The following SLC13A4 variants were observed in gnomAD, a reference collection of about 807,000 sequenced individuals.
SLC13A4 encodes the protein Na(+)/sulfate cotransporter SUT-1.
In SLC13A4, 28 loss-of-function variants were observed where a neutral mutation model predicts 72.7. The observed-to-expected ratio is 0.39, with a 90% CI of 0.29 to 0.53. The LOEUF (loss-of-function observed/expected upper bound fraction) is 0.53, where lower values mean the gene tolerates loss of function less well. Ranked by LOEUF, SLC13A4 falls within the 20% of genes least tolerant of loss-of-function variation. The pLI, the probability that SLC13A4 is intolerant of heterozygous loss-of-function variation, is 0.78. For missense variants in SLC13A4, 653 were observed against 788.0 expected (o/e 0.83, Z 2.05); for synonymous variants, 312 against 325.5 (o/e 0.96, Z 0.45).
chr7:135,715,615 G>C (rs1286980689), intron 2 of SLC13A4, among the ~76,000 whole-genome samples: 3 of 152,148 alleles, frequency 2.0e-5, no homozygotes, highest in Non-Finnish European at 4.4e-5. Context: ...GGGCCTCCTG[G>C]AGAGCTGTTT....
intron 1 of SLC13A4, among the ~76,000 whole-genome samples, chr7:135,725,054 A>G (rs1306068414): frequency 6.6e-6 from 1 of 152,156 alleles, no homozygotes; most frequent in Non-Finnish European, 1.5e-5. Context: ...AGGCTCTTTA[A>G]CAACACCACT....
intron 2 of SLC13A4, among the ~76,000 whole-genome samples, chr7:135,715,422 TGTGTGAGC>T (rs1796409671): frequency 1.3e-5 from 2 of 151,254 alleles, no homozygotes; most frequent in African/African-American, 4.9e-5. Context: ...TGTGTATGAG[TGTGTGAGC>T]GTGTGTATGA....
chr7:135,701,994 G>T (rs755586715), intron 6 of SLC13A4: 2 of 429,558 alleles, frequency 4.7e-6, no homozygotes, highest in Non-Finnish European at 8.1e-6. Flanking sequence ...ACATGGCTCT[G>T]CCCTTAGAGG....
Position 135,705,524 on chromosome 7 carries a change from T to C in SLC13A4, c.593+72A>G. 5 of 1,429,342 alleles carry C rather than the reference T, an allele frequency of 3.5e-6. No homozygotes were observed. The Admixed American group carries it at 8.4e-5, about 24-fold the overall frequency. The allele number at this position is 1,429,342 out of a possible 1,614,324, so 88.5% of individuals were successfully genotyped here. On this transcript the variant is annotated intron_variant, in intron 5 of 15. Coordinates refer to ENST00000682651, the MANE Select transcript of SLC13A4 (RefSeq NM_001318192.2). ...CATCTCAAAGAGCTGTTTATGGGTC[T>C]AGGTCCCCTCTTTTCTGACCTCCCC...
At chr7:135,708,278 C>T in intron 2 of SLC13A4, 28 bp from the exon 3 acceptor site, 1 of 1,613,316 alleles carries the variant, frequency 6.2e-7, no homozygotes, top group Non-Finnish European at 8.5e-7. Flanking sequence ...ATGTCAGTCA[C>T]CCTCCCGGAC....
chr7:135,681,709 C>A lies in SLC13A4; in HGVS notation c.1747-9G>T, dbSNP rs1157797158. 1.9e-5 allele frequency: 31 copies of A among 1,611,012 alleles called. No homozygotes were observed. Among genetic ancestry groups the A allele is most frequent in the Non-Finnish European group, 2.6e-5 (31 of 1,178,504 alleles). On this transcript the variant is annotated splice_polypyrimidine_tract_variant and intron_variant, in intron 15 of 15. Transcript: ENST00000682651. ...CCCAGGCCAGCTTTCACCTGCAGGA[C>A]ACAAACCAGCACACCCTAGTCACTC... is the stretch of plus-strand genomic sequence containing the variant.
intron 2 of SLC13A4, among the ~76,000 whole-genome samples, chr7:135,710,421 A>G (rs1474289354): frequency 6.6e-6 from 1 of 152,224 alleles, no homozygotes; most frequent in Non-Finnish European, 1.5e-5. Context: ...AAACAAAAAG[A>G]AAAAATCTTC....
chr7:135,706,032 G>T, intron 4 of SLC13A4, 96 bp downstream of exon 4: 1 of 1,249,306 alleles, frequency 8.0e-7, no homozygotes, highest in Non-Finnish European at 1.1e-6. Context: ...TCCTGGGGTG[G>T]GCACAAAGTT....
intron 2 of SLC13A4, among the ~76,000 whole-genome samples, chr7:135,711,212 GTCTT>G (rs1163806591): frequency 1.3e-5 from 2 of 152,174 alleles, no homozygotes; most frequent in African/African-American, 4.8e-5. Flanking sequence ...GTGGGAGATG[GTCTT>G]TCCACCAGCC....
intron 2 of SLC13A4, among the ~76,000 whole-genome samples, chr7:135,716,115 C>T (rs1257665678): frequency 2.0e-5 from 3 of 151,274 alleles, no homozygotes; most frequent in South Asian, 2.1e-4. Context: ...TCTGGTGTGA[C>T]GCTTTGGGCC....
At chr7:135,714,650 G>A (rs1796373129) in intron 2 of SLC13A4, among the ~76,000 whole-genome samples, 1 of 152,332 alleles carries the variant, frequency 6.6e-6, no homozygotes, top group South Asian at 2.1e-4. Flanking sequence ...CCTCCATGGC[G>A]AGGAGAGATG....
chr7:135,709,425 TAA>T (rs67676992), intron 2 of SLC13A4, among the ~76,000 whole-genome samples: 9 of 147,390 alleles, frequency 6.1e-5, no homozygotes, highest in African/African-American at 2.3e-4. Context: ...CTTTTTTTTT[TAA>T]AAAAAAATTT....
At chr7:135,682,673 G>A (rs1030861632) in intron 15 of SLC13A4, among the ~76,000 whole-genome samples, 1 of 152,220 alleles carries the variant, frequency 6.6e-6, no homozygotes, top group African/African-American at 2.4e-5. Context: ...GGACCCCATG[G>A]AGCATCCAGC....
intron 10 of SLC13A4, among the ~76,000 whole-genome samples, chr7:135,693,639 C>T (rs1477150316): frequency 2.6e-5 from 4 of 152,150 alleles, no homozygotes; most frequent in Non-Finnish European, 4.4e-5. Flanking sequence ...AGCTGGGTCC[C>T]TGTGGAAAAG....
At chr7:135,711,128 G>GGCTTT (rs879701957) in intron 2 of SLC13A4, among the ~76,000 whole-genome samples, 32 of 152,284 alleles carry the variant, frequency 2.1e-4, no homozygotes, top group African/African-American at 7.5e-4. Flanking sequence ...TTGTGGAGGC[G>GGCTTT]GCTTTGTGGC....
chr7:135,686,035 C>T (rs1327232390), intron 13 of SLC13A4, among the ~76,000 whole-genome samples: 3 of 152,242 alleles, frequency 2.0e-5, no homozygotes. Context: ...TAGCCTCTGA[C>T]ATCCTTACCC....
At chr7:135,713,565 A>T (rs1221972640) in intron 2 of SLC13A4, among the ~76,000 whole-genome samples, 1 of 151,478 alleles carries the variant, frequency 6.6e-6, no homozygotes, top group African/African-American at 2.4e-5. Context: ...ATTTTTTTTT[A>T]ATTATGTGTT....
intron 7 of SLC13A4, 116 bp from the exon 8 acceptor site, chr7:135,699,664 GACAAATCACA>G: frequency 1.2e-6 from 1 of 822,898 alleles, no homozygotes; most frequent in South Asian, 2.7e-5. Flanking sequence ...GTGTCAGAAA[GACAAATCACA>G]GTTTCTACCA....
intron 10 of SLC13A4, 148 bp downstream of exon 10, chr7:135,693,989 A>G (rs1286911758): frequency 3.2e-6 from 2 of 618,866 alleles, no homozygotes; most frequent in East Asian, 5.6e-5. Flanking sequence ...TGGCTTTGGC[A>G]CTAAATAGCA....
Sources: allele counts gnomAD v4.1 joint callset (sites outside exome capture counted in the v4.1 genomes callset), GRCh38; gene constraint gnomAD v4.1.1; transcripts MANE v1.5; gene names NCBI Gene and HGNC (gene_info 2026-07-23, HGNC 2026-07-21).